KCNJ12: variants seen among roughly 807,000 people sequenced by gnomAD.
KCNJ12 encodes the protein ATP-sensitive inward rectifier potassium channel 12.
A neutral mutation model predicts 22.3 loss-of-function variants in KCNJ12; 2 were observed. That is an observed-to-expected ratio of 0.09 (90% confidence interval 0.04 to 0.28). The LOEUF (loss-of-function observed/expected upper bound fraction) is 0.28, where lower values mean the gene tolerates loss of function less well. Ranked by LOEUF, KCNJ12 falls within the 10% of genes least tolerant of loss-of-function variation. KCNJ12 has a pLI of 1.00. For synonymous variants in KCNJ12, 117 were observed against 261.4 expected (o/e 0.45, Z 5.33); for missense variants, 155 against 633.3 (o/e 0.24, Z 8.11).
intron 1 of KCNJ12, among the ~76,000 whole-genome samples, chr17:21,395,521 C>A (rs1905328069): frequency 8.6e-6 from 1 of 116,790 alleles, no homozygotes; most frequent in Non-Finnish European, 1.6e-5. Flanking sequence ...GCGGACGTTG[C>A]AGTGAGCCGA....
At chr17:21,404,453 T>G (rs560023833) in intron 1 of KCNJ12, among the ~76,000 whole-genome samples, 116 of 152,380 alleles carry the variant, frequency 7.6e-4, no homozygotes, top group African/African-American at 2.7e-3. Flanking sequence ...GTCTGCCCTG[T>G]GAGGCAGGGT....
At chr17:21,393,757 A>G (rs1905265409) in intron 1 of KCNJ12, among the ~76,000 whole-genome samples, 1 of 152,114 alleles carries the variant, frequency 6.6e-6, no homozygotes, top group Non-Finnish European at 1.5e-5. Context: ...GCACCATTCA[A>G]TCCCATGTGT....
chr17:21,405,669 C>T (rs1303607126), intron 1 of KCNJ12, among the ~76,000 whole-genome samples: 4 of 152,304 alleles, frequency 2.6e-5, no homozygotes, highest in Middle Eastern at 3.2e-3. Context: ...GGCCCTCAGT[C>T]GTGGTCATGG....
At chr17:21,406,330 C>T (rs1226807935) in intron 1 of KCNJ12, among the ~76,000 whole-genome samples, 4 of 152,306 alleles carry the variant, frequency 2.6e-5, no homozygotes, top group African/African-American at 7.2e-5. Flanking sequence ...ACCCAAGTCC[C>T]TGCCGTGGAG....
Position 21,418,395 on chromosome 17 carries a change from T to C in KCNJ12, c.*1751T>C, listed in dbSNP as rs1223282286. On this transcript the variant is annotated 3_prime_UTR_variant, in exon 3 of 3. Coordinates refer to ENST00000583088, the MANE Select transcript of KCNJ12 (RefSeq NM_021012.5). ...AGGACTCTGGCCCAAGTGGGGAAGC[T>C]GAGGCAGAGAGCAGAGGGGGTCATG... 3 of 158,050 alleles carry C rather than the reference T, an allele frequency of 1.9e-5. No homozygotes were observed. The highest frequency in any genetic ancestry group is 3.0e-5 in the Non-Finnish European group (2 of 66,698). 9.8% of individuals were successfully genotyped at this position (158,050 alleles called of 1,614,324 possible).
At chr17:21,384,628 G>T (rs1333470794) in intron 1 of KCNJ12, among the ~76,000 whole-genome samples, 3 of 152,078 alleles carry the variant, frequency 2.0e-5, no homozygotes, top group Non-Finnish European at 4.4e-5. Flanking sequence ...TCCCACTGGG[G>T]TCCTTCTTCC....
chr17:21,384,910 C>T (rs906688633), intron 1 of KCNJ12, among the ~76,000 whole-genome samples: 4 of 151,848 alleles, frequency 2.6e-5, no homozygotes, highest in African/African-American at 9.7e-5. Flanking sequence ...GTAGCTGGGA[C>T]TATAGGCACC....
chr17:21,383,123 G>A (rs1195463899), intron 1 of KCNJ12, among the ~76,000 whole-genome samples: 1 of 152,200 alleles, frequency 6.6e-6, no homozygotes, highest in East Asian at 1.9e-4. Flanking sequence ...ATGATAGAGA[G>A]GATGAAAGGC....
chr17:21,386,154 G>A (rs782629549), intron 1 of KCNJ12, among the ~76,000 whole-genome samples: 18 of 152,244 alleles, frequency 1.2e-4, no homozygotes, highest in Non-Finnish European at 1.9e-4. Context: ...GAGGCCAGAC[G>A]TCTGAAACCG....
At chr17:21,397,307 C>G (rs1905399208) in intron 1 of KCNJ12, among the ~76,000 whole-genome samples, 2 of 152,214 alleles carry the variant, frequency 1.3e-5, no homozygotes, top group Non-Finnish European at 2.9e-5. Context: ...GCTCCTGCTG[C>G]AGGCTCTCGA....
At chr17:21,392,687 A>G (rs1203680308) in intron 1 of KCNJ12, among the ~76,000 whole-genome samples, 5 of 152,120 alleles carry the variant, frequency 3.3e-5, no homozygotes, top group African/African-American at 1.2e-4. Context: ...GAGGCCTGAG[A>G]CTGGCTGTGT....
intron 2 of KCNJ12, among the ~76,000 whole-genome samples, chr17:21,411,211 GC>G (rs1470334889): frequency 2.0e-5 from 3 of 152,424 alleles, no homozygotes; most frequent in African/African-American, 7.2e-5. Context: ...CCATCCGGAA[GC>G]ACCTCCCGGT....
intron 2 of KCNJ12, among the ~76,000 whole-genome samples, chr17:21,414,489 G>T: frequency 7.1e-6 from 1 of 141,656 alleles, no homozygotes; most frequent in Non-Finnish European, 1.5e-5. Flanking sequence ...AAGAAAAAAA[G>T]AAAGAAAAGA....
chr17:21,384,485 C>T (rs782240518), intron 1 of KCNJ12, among the ~76,000 whole-genome samples: 2 of 152,198 alleles, frequency 1.3e-5, no homozygotes, highest in African/African-American at 2.4e-5. Context: ...CCCCTGCCTC[C>T]ATCCCCAGAG....
At chr17:21,390,920 C>T (rs1429723347) in intron 1 of KCNJ12, among the ~76,000 whole-genome samples, 3 of 152,218 alleles carry the variant, frequency 2.0e-5, no homozygotes, top group Admixed American at 6.5e-5. Flanking sequence ...AGTTCCAAAG[C>T]CTTCCACCAT....
At chr17:21,410,745 C>T (rs1331185487) in intron 2 of KCNJ12, among the ~76,000 whole-genome samples, 1 of 152,290 alleles carries the variant, frequency 6.6e-6, no homozygotes, top group Admixed American at 6.5e-5. Flanking sequence ...GCACTGGTTT[C>T]ACCCCTACAG....
chr17:21,411,002 G>A (rs1227823221), intron 2 of KCNJ12, among the ~76,000 whole-genome samples: 2 of 152,310 alleles, frequency 1.3e-5, no homozygotes, highest in Admixed American at 6.5e-5. Context: ...CTGCATGGGG[G>A]ATGGGGGCTG....
intron 1 of KCNJ12, among the ~76,000 whole-genome samples, chr17:21,395,062 C>G (rs1167017677): frequency 6.6e-6 from 1 of 152,110 alleles, no homozygotes; most frequent in Non-Finnish European, 1.5e-5. Context: ...CTTTGGGAGG[C>G]TGAGGCAGGA....
intron 1 of KCNJ12, among the ~76,000 whole-genome samples, chr17:21,381,064 A>G (rs142611024): frequency 1.3e-5 from 2 of 152,320 alleles, no homozygotes; most frequent in African/African-American, 4.8e-5. Context: ...TTGGCCAGAT[A>G]GGAGTGGGAA....
Sources: allele counts gnomAD v4.1 joint callset (sites outside exome capture counted in the v4.1 genomes callset), GRCh38; gene constraint gnomAD v4.1.1; transcripts MANE v1.5; gene names NCBI Gene and HGNC (gene_info 2026-07-23, HGNC 2026-07-21).